NPC1: variants seen among roughly 807,000 people sequenced by gnomAD.
The protein encoded by NPC1 is NPC intracellular cholesterol transporter 1.
Under a neutral mutation model 140.4 loss-of-function variants are expected in NPC1, and 85 were observed. The observed-to-expected ratio is 0.61, with a 90% CI of 0.51 to 0.72. The LOEUF (loss-of-function observed/expected upper bound fraction) is 0.72, where lower values mean the gene tolerates loss of function less well. NPC1 is among the 30% of genes least tolerant of loss of function. The pLI is 0.00. For missense variants in NPC1, 1,504 were observed against 1,623.8 expected (o/e 0.93, Z 1.27); for synonymous variants, 656 against 624.8 (o/e 1.05, Z -0.74).
intron 1 of NPC1, among the ~76,000 whole-genome samples, chr18:23,575,433 T>G (rs143095885): frequency 2.0e-5 from 3 of 152,044 alleles, no homozygotes; most frequent in Non-Finnish European, 4.4e-5. Flanking sequence ...TTGAGCTGGA[T>G]TGCACCTGGG....
intron 10 of NPC1, among the ~76,000 whole-genome samples, chr18:23,550,482 T>C (rs112372641): frequency 6.2e-5 from 6 of 96,616 alleles, no homozygotes; most frequent in African/African-American, 2.5e-4. Context: ...TACATTTCTT[T>C]TTTTTTTTTT....
downstream of NPC1, chr18:23,529,447 G>A: frequency 1.5e-6 from 2 of 1,347,498 alleles, no homozygotes; most frequent in Non-Finnish European, 2.0e-6. Flanking sequence ...CTGGTAGTTT[G>A]GCTTCTAATG....
At chr18:23,532,551 G>A (rs1256163864) in intron 24 of NPC1, among the ~76,000 whole-genome samples, 1 of 152,158 alleles carries the variant, frequency 6.6e-6, no homozygotes, top group Non-Finnish European at 1.5e-5. Flanking sequence ...CAAGCTTCCT[G>A]CCTCAGCCTA....
chr18:23,551,579 C>T (rs1253828132), intron 10 of NPC1, 48 bp downstream of exon 10: 14 of 1,399,204 alleles, frequency 1.0e-5, no homozygotes, highest in Non-Finnish European at 1.3e-5. Context: ...AATGACAAAA[C>T]CGAGATGACT....
Position 23,554,740 on chromosome 18 carries a change from T to G in NPC1, c.1553+18A>C. The G allele has an allele frequency of 6.3e-7, 1 of 1,599,454 alleles. No individual in the cohort carries two copies. Among genetic ancestry groups the G allele is most frequent in the South Asian group, 1.1e-5 (1 of 90,476 alleles). ...ACCCAAGAATGGTGTCTACCAATGATTGTCTCTTGCCACTTACCGTACGCA... is the reference window on the plus strand; with the variant it reads ...ACCCAAGAATGGTGTCTACCAATGAGTGTCTCTTGCCACTTACCGTACGCA... On this transcript the variant is annotated intron_variant, in intron 9 of 24. Transcript: ENST00000269228.
intron 6 of NPC1, among the ~76,000 whole-genome samples, chr18:23,558,334 T>A (rs1461673116): frequency 6.6e-6 from 1 of 152,066 alleles, no homozygotes; most frequent in East Asian, 1.9e-4. Flanking sequence ...AAGGTTAACA[T>A]CACCAGGAAA....
downstream of NPC1, chr18:23,529,552 A>G: frequency 2.2e-6 from 3 of 1,348,372 alleles, no homozygotes; most frequent in South Asian, 3.6e-5. Context: ...AGATGGAAAC[A>G]AGGTGGGGGT....
In NPC1 at chr18:23,532,039, C is replaced by G. The variant is rs1004176333; in HGVS notation, c.*163G>C. 14 of 1,559,702 alleles carry G rather than the reference C, an allele frequency of 9.0e-6. No individual in the cohort carries two copies. Among genetic ancestry groups the G allele is most frequent in the African/African-American group, 1.4e-5 (1 of 73,290 alleles). ...CTAGTAATACTGCTTCCCAAGTCAA[C>G]TGTGCATTCCTGAGTTCACAGGCGC... On this transcript the variant is annotated 3_prime_UTR_variant, in exon 25 of 25. Coordinates refer to ENST00000269228, the MANE Select transcript of NPC1 (RefSeq NM_000271.5).
intron 4 of NPC1, among the ~76,000 whole-genome samples, chr18:23,563,375 G>A (rs1391001039): frequency 6.6e-6 from 1 of 152,218 alleles, no homozygotes; most frequent in Non-Finnish European, 1.5e-5. Flanking sequence ...TTCGTCTTGT[G>A]AGTGGAACTG....
chr18:23,562,075 G>A (rs113345040), intron 4 of NPC1, among the ~76,000 whole-genome samples: 43 of 152,258 alleles, frequency 2.8e-4, no homozygotes, highest in African/African-American at 1.0e-3. Context: ...GGACCACCAG[G>A]TCAGGAGATG....
At chr18:23,529,144 G>A, downstream of NPC1, 1 of 1,599,410 alleles carries the variant, frequency 6.3e-7, no homozygotes. Context: ...CCTCTAAGAT[G>A]CCGAAGATCA....
intron 18 of NPC1, 55 bp downstream of exon 18, chr18:23,539,756 C>T (rs2058685084): frequency 6.3e-7 from 1 of 1,575,146 alleles, no homozygotes. Flanking sequence ...GAGCTGACTG[C>T]CTGGCTGAGA....
At chr18:23,520,180 G>A (rs1168157064), downstream of NPC1, 2 of 1,591,494 alleles carry the variant, frequency 1.3e-6, no homozygotes, top group Non-Finnish European at 1.7e-6. Flanking sequence ...TTTGGCCTCA[G>A]TCTTGTCTTT....
At chr18:23,527,858 A>T (rs767119045), downstream of NPC1, 1 of 1,614,180 alleles carries the variant, frequency 6.2e-7, no homozygotes, top group South Asian at 1.1e-5. Context: ...AAACTCAACC[A>T]TGAGTATAAA....
intron 3 of NPC1, among the ~76,000 whole-genome samples, chr18:23,571,232 TAAAAAAAAA>T (rs10715014): frequency 6.8e-6 from 1 of 147,114 alleles, no homozygotes; most frequent in Middle Eastern, 3.5e-3. Flanking sequence ...AAACTGACTT[TAAAAAAAAA>T]AAAAAACTGG....
intron 1 of NPC1, among the ~76,000 whole-genome samples, chr18:23,575,414 G>A (rs1422190660): frequency 6.6e-6 from 1 of 152,180 alleles, no homozygotes; most frequent in East Asian, 1.9e-4. Context: ...CTGAGGCTCA[G>A]TGTGCTTGTT....
chr18:23,513,103 G>C (rs755069141), intron 3 of NPC1, among the ~76,000 whole-genome samples: 1 of 151,994 alleles, frequency 6.6e-6, no homozygotes, highest in Non-Finnish European at 1.5e-5. Flanking sequence ...ACAGGTGTGC[G>C]CCACCACGCC....
Position 23,536,850 on chromosome 18 carries a change from A to G in NPC1, c.3068T>C (p.Val1023Ala). 1 of 1,614,110 alleles carries G rather than the reference A, an allele frequency of 6.2e-7. No homozygotes were observed. Residue 1023 changes from valine to alanine, a missense_variant, in exon 21 of 25, where the codon GTT (valine) becomes GCT (alanine). Val to Ala is a moderately conservative substitution (Grantham distance 64, BLOSUM62 0). Coordinates refer to ENST00000269228, the MANE Select transcript of NPC1 (RefSeq NM_000271.5). ...KGGHAAYSSA[V>A]NILLGHGTRV... is the part of the protein sequence containing the mutation. ...GGTGCCATGGCCAAGGAGGATGTTA[A>G]CTGCAGAACTATAGGCAGCATGTCC...
At chr18:23,570,161 T>C (rs976053910) in intron 3 of NPC1, among the ~76,000 whole-genome samples, 2 of 152,222 alleles carry the variant, frequency 1.3e-5, no homozygotes, top group African/African-American at 4.8e-5. Context: ...GGAATCACTC[T>C]TGGGGTACAC....
Sources: gnomAD v4.1 joint callset for allele counts (sites outside exome capture counted in the v4.1 genomes callset) on GRCh38, gnomAD v4.1.1 for gene constraint, MANE v1.5 for transcripts, NCBI Gene and HGNC (gene_info 2026-07-23, HGNC 2026-07-21) for gene names.